STK39: variants seen among roughly 807,000 people sequenced by gnomAD.
STK39 encodes STE20/SPS1-related proline-alanine-rich protein kinase.
A neutral mutation model predicts 77.8 loss-of-function variants in STK39; 20 were observed. That is an observed-to-expected ratio of 0.26 (90% CI 0.18 to 0.37). The LOEUF is 0.37. Ranked by LOEUF, STK39 falls within the 10% of genes least tolerant of loss-of-function variation. The pLI, the probability that STK39 is intolerant of heterozygous loss-of-function variation, is 1.00. For synonymous variants in STK39, 246 were observed against 234.1 expected (o/e 1.05, Z -0.47); for missense variants, 479 against 656.5 (o/e 0.73, Z 2.95).
intron 5 of STK39, among the ~76,000 whole-genome samples, chr2:168,157,306 T>G (rs1468618049): frequency 6.6e-6 from 1 of 152,202 alleles, no homozygotes; most frequent in Non-Finnish European, 1.5e-5. Flanking sequence ...TGCACATACG[T>G]GAGGCATTTT....
At chr2:168,076,793 T>A (rs1237410707) in intron 10 of STK39, among the ~76,000 whole-genome samples, 1 of 152,218 alleles carries the variant, frequency 6.6e-6, no homozygotes, top group Non-Finnish European at 1.5e-5. Context: ...TGGCATCAGA[T>A]ATTTCTTCCG....
intron 10 of STK39, among the ~76,000 whole-genome samples, chr2:168,119,495 G>GT (rs1687349880): frequency 2.6e-5 from 4 of 152,290 alleles, no homozygotes; most frequent in East Asian, 3.9e-4. Context: ...CTTAAAAATA[G>GT]TAATAGTGAA....
chr2:168,207,396 C>T (rs973774830), intron 1 of STK39, among the ~76,000 whole-genome samples: 1 of 152,180 alleles, frequency 6.6e-6, no homozygotes, highest in South Asian at 2.1e-4. Flanking sequence ...TATAAATATA[C>T]GATAGGCCTC....
intron 1 of STK39, among the ~76,000 whole-genome samples, chr2:168,215,211 C>A (rs944307127): frequency 2.0e-5 from 3 of 152,148 alleles, no homozygotes; most frequent in Non-Finnish European, 4.4e-5. Context: ...AGACTGCTCC[C>A]ACAAACCACT....
intron 10 of STK39, among the ~76,000 whole-genome samples, chr2:168,087,950 G>T (rs1193346039): frequency 6.6e-6 from 1 of 152,008 alleles, no homozygotes; most frequent in Admixed American, 6.6e-5. Context: ...AAAGATCAGG[G>T]GTTAGCTACT....
chr2:168,091,688 CT>C (rs934969037), intron 10 of STK39, among the ~76,000 whole-genome samples: 109 of 151,842 alleles, frequency 7.2e-4, no homozygotes, highest in African/African-American at 2.4e-3. Context: ...TTTTTGTTAC[CT>C]TTTTTTTAAT....
At chr2:167,969,225 T>C (rs143538114) in intron 16 of STK39, among the ~76,000 whole-genome samples, 182 of 152,354 alleles carry the variant, frequency 1.2e-3, no homozygotes, top group African/African-American at 4.0e-3. Flanking sequence ...CCTGGACAAT[T>C]GCAATATCTT....
intron 15 of STK39, among the ~76,000 whole-genome samples, chr2:168,016,404 A>AAAAC (rs1281742571): frequency 2.0e-5 from 3 of 150,950 alleles, no homozygotes; most frequent in African/African-American, 7.3e-5. Flanking sequence ...AAAAAAAAAA[A>AAAAC]AAAAAAAAAC....
chr2:168,019,493 C>A (rs4578821), intron 14 of STK39, among the ~76,000 whole-genome samples: 18,431 of 152,106 alleles, frequency 0.12, 2,322 homozygotes, highest in African/African-American at 0.31. Context: ...GGTTTTGAAA[C>A]GTACCCTTGC....
intron 12 of STK39, among the ~76,000 whole-genome samples, chr2:168,072,597 T>G (rs1202395251): frequency 6.6e-6 from 1 of 152,260 alleles, no homozygotes; most frequent in African/African-American, 2.4e-5. Context: ...TTTTGCTCTG[T>G]ATTTCTCACT....
chr2:168,116,476 C>T (rs1202021207), intron 10 of STK39, among the ~76,000 whole-genome samples: 1 of 152,092 alleles, frequency 6.6e-6, no homozygotes, highest in African/African-American at 2.4e-5. Flanking sequence ...TTTAGAACTA[C>T]TGGATTTCAA....
At chr2:167,990,012 T>TC (rs1252724054) in intron 16 of STK39, among the ~76,000 whole-genome samples, 53 of 152,056 alleles carry the variant, frequency 3.5e-4, no homozygotes, top group African/African-American at 1.2e-3. Flanking sequence ...CGACCAATAA[T>TC]AATCATCATC....
At chr2:168,013,351 C>G (rs543160434) in intron 15 of STK39, among the ~76,000 whole-genome samples, 1 of 152,130 alleles carries the variant, frequency 6.6e-6, no homozygotes, top group East Asian at 1.9e-4. Flanking sequence ...AAAGAGGCTG[C>G]GGCAAGTGAA....
intron 2 of STK39, among the ~76,000 whole-genome samples, chr2:168,168,873 C>T (rs2105600676): frequency 6.6e-6 from 1 of 152,154 alleles, no homozygotes; most frequent in South Asian, 2.1e-4. Flanking sequence ...GTCCCAATGA[C>T]TGAGGAAGCT....
At chr2:168,058,880 A>C (rs1685591420) in intron 14 of STK39, among the ~76,000 whole-genome samples, 1 of 152,186 alleles carries the variant, frequency 6.6e-6, no homozygotes, top group South Asian at 2.1e-4. Context: ...CTCTGTTTAA[A>C]ATTTTATTCA....
At chr2:168,121,376 G>C (rs976711879) in intron 10 of STK39, among the ~76,000 whole-genome samples, 5 of 152,178 alleles carry the variant, frequency 3.3e-5, no homozygotes, top group Admixed American at 3.3e-4. Flanking sequence ...TATTGGCTGT[G>C]TTTGTATTTA....
intron 16 of STK39, among the ~76,000 whole-genome samples, chr2:167,998,481 A>G (rs1683909137): frequency 6.6e-6 from 1 of 152,216 alleles, no homozygotes; most frequent in Admixed American, 6.5e-5. Context: ...CTTAGCCCAC[A>G]CCATAATTTG....
intron 10 of STK39, among the ~76,000 whole-genome samples, chr2:168,078,741 CAAA>C (rs56865790): frequency 1.0e-4 from 9 of 86,398 alleles, no homozygotes; most frequent in African/African-American, 2.0e-4. Flanking sequence ...TCCATCTGTC[CAAA>C]AAAAAAAAAA....
chr2:168,029,964 G>A (rs1207041192), intron 14 of STK39, among the ~76,000 whole-genome samples: 1 of 152,132 alleles, frequency 6.6e-6, no homozygotes, highest in African/African-American at 2.4e-5. Context: ...TTTTGGGCCG[G>A]GTGCGGTGGC....
Sources: gnomAD v4.1 joint callset for allele counts (sites outside exome capture counted in the v4.1 genomes callset) on GRCh38, gnomAD v4.1.1 for gene constraint, MANE v1.5 for transcripts, NCBI Gene and HGNC (gene_info 2026-07-23, HGNC 2026-07-21) for gene names.